GABRG2: variants seen among roughly 807,000 people sequenced by gnomAD.
The protein encoded by GABRG2 is gamma-aminobutyric acid receptor subunit gamma-2.
Under a neutral mutation model 56.4 loss-of-function variants are expected in GABRG2, and 16 were observed. The observed-to-expected ratio is 0.28, with a 90% CI of 0.19 to 0.43. The LOEUF is 0.43. Among genes scored for constraint, GABRG2 ranks in the 20% least tolerant of loss-of-function variants. The probability of loss-of-function intolerance (pLI) is 1.00; values close to 1 mark genes in which losing one functional copy is unlikely to be tolerated. For missense variants in GABRG2, 327 were observed against 582.7 expected (o/e 0.56, Z 4.52); for synonymous variants, 208 against 205.5 (o/e 1.01, Z -0.10).
At chr5:162,106,125 G>C (rs942441045) in intron 6 of GABRG2, among the ~76,000 whole-genome samples, 2 of 152,106 alleles carry the variant, frequency 1.3e-5, no homozygotes, top group African/African-American at 2.4e-5. Flanking sequence ...TCTATTAGGA[G>C]ACACTTGTGG....
In GABRG2 at chr5:162,155,485, A is replaced by G. The variant is rs959187047; in HGVS notation, c.*2117A>G. Reference sequence around the variant, plus strand: ...AACCTTTTCACAAAGGGAATTGCCTAACATGTGGACTTTTACAATAAAAAT... The same window carrying G: ...AACCTTTTCACAAAGGGAATTGCCTGACATGTGGACTTTTACAATAAAAAT... On this transcript the variant is annotated 3_prime_UTR_variant, in exon 10 of 10. Transcript: ENST00000639213. The G allele has an allele frequency of 2.1e-5, 3 of 140,698 alleles. No individual in the cohort carries two copies. The highest frequency in any genetic ancestry group is 7.8e-5 in the African/African-American group (3 of 38,534). 8.7% of individuals were successfully genotyped at this position (140,698 alleles called of 1,614,324 possible). A position where few individuals can be genotyped will look rare whatever the true frequency, so the allele number is the denominator to read the frequency against.
chr5:162,087,084 G>A (rs1168396747), intron 1 of GABRG2, among the ~76,000 whole-genome samples: 1 of 151,942 alleles, frequency 6.6e-6, no homozygotes, highest in Admixed American at 6.6e-5. Flanking sequence ...ATTTAAGAAG[G>A]GTTGAAGCAA....
At chr5:162,089,761 A>G (rs1760416194) in intron 1 of GABRG2, among the ~76,000 whole-genome samples, 1 of 152,164 alleles carries the variant, frequency 6.6e-6, no homozygotes, top group Admixed American at 6.6e-5. Flanking sequence ...CACCTGAACA[A>G]ACAGACAAAT....
chr5:162,111,000 G>A (rs190335907), intron 6 of GABRG2, among the ~76,000 whole-genome samples: 1 of 152,160 alleles, frequency 6.6e-6, no homozygotes, highest in Admixed American at 6.6e-5. Context: ...TCTATAAAAG[G>A]AGTACATTTG....
intron 1 of GABRG2, among the ~76,000 whole-genome samples, chr5:162,073,712 T>C (rs192250934): frequency 9.2e-5 from 14 of 152,084 alleles, no homozygotes; most frequent in African/African-American, 3.4e-4. Flanking sequence ...GCTCTTATGT[T>C]TTAATTTCTA....
rs1398214382 is a variant in GABRG2 at position 162,142,309 on chromosome 5, A to T, written c.915A>T (p.Thr305=). ...ATAAGGATGCTGTTCCAGCCAGAAC[A>T]TCTTTAGGTGAGACACCTTTGTTTA... The part of the protein sequence containing the change: ...WINKDAVPAR[T]SLGITTVLTM... Residue 305 remains threonine (T), a synonymous_variant, in exon 7 of 10, where the codon ACA becomes ACT. Coordinates refer to ENST00000639213, the MANE Select transcript of GABRG2 (RefSeq NM_198904.4). 6.2e-7 allele frequency: 1 copy of T among 1,613,976 alleles called. No homozygotes were observed. Among genetic ancestry groups the T allele is most frequent in the African/African-American group, 1.3e-5 (1 of 74,924 alleles).
chr5:162,089,481 A>G (rs1760394043), intron 1 of GABRG2, among the ~76,000 whole-genome samples: 1 of 152,110 alleles, frequency 6.6e-6, no homozygotes, highest in Admixed American at 6.6e-5. Flanking sequence ...AAGGTCAAAG[A>G]TATCATTTTC....
intron 6 of GABRG2, among the ~76,000 whole-genome samples, chr5:162,128,025 A>T (rs979643282): frequency 6.6e-6 from 1 of 152,046 alleles, no homozygotes; most frequent in Non-Finnish European, 1.5e-5. Flanking sequence ...GAGAGTATCA[A>T]GAGACCATTT....
chr5:162,089,560 T>C (rs1186215646), intron 1 of GABRG2, among the ~76,000 whole-genome samples: 1 of 152,054 alleles, frequency 6.6e-6, no homozygotes, highest in Admixed American at 6.6e-5. Flanking sequence ...ATTGCACTTA[T>C]AAAAAAGTAA....
chr5:162,152,480 G>A lies in GABRG2; in HGVS notation c.1153-613G>A, dbSNP rs540945122. 46 of 475,484 alleles carry A rather than the reference G, an allele frequency of 9.7e-5. 1 individual carries two copies. Among genetic ancestry groups the A allele is most frequent in the South Asian group, 5.8e-4 (36 of 61,850 alleles). 29.5% of individuals were successfully genotyped at this position (475,484 alleles called of 1,614,324 possible). The stretch of plus-strand genomic sequence containing the variant: ...TTCTTTTCTCAATTTCCATTCACAT[G>A]TAGGTAAACATTGTTGACATTCTTA... On this transcript the variant is annotated intron_variant, in intron 9 of 9. Coordinates refer to ENST00000639213, the MANE Select transcript of GABRG2 (RefSeq NM_198904.4).
At chr5:162,152,097 C>T in intron 9 of GABRG2, 1 of 223,280 alleles carries the variant, frequency 4.5e-6, no homozygotes, top group South Asian at 1.2e-4. Flanking sequence ...TCTTTTAAAA[C>T]TAAAATTTAA....
chr5:162,106,975 A>T (rs375818977), intron 6 of GABRG2, among the ~76,000 whole-genome samples: 1 of 152,038 alleles, frequency 6.6e-6, no homozygotes, highest in Admixed American at 6.6e-5. Flanking sequence ...AGTACCTCTT[A>T]GTTATTTTTC....
intron 2 of GABRG2, 145 bp downstream of exon 2, chr5:162,094,124 A>G: frequency 1.2e-6 from 1 of 835,824 alleles, no homozygotes; most frequent in Non-Finnish European, 1.9e-6. Context: ...TTTAAATAGC[A>G]TTCAGGCCTA....
At chr5:162,144,610 T>G (rs1764821345) in intron 7 of GABRG2, among the ~76,000 whole-genome samples, 1 of 152,198 alleles carries the variant, frequency 6.6e-6, no homozygotes, top group African/African-American at 2.4e-5. Context: ...ATGATCATTA[T>G]TATCACAATT....
intron 1 of GABRG2, among the ~76,000 whole-genome samples, chr5:162,091,892 G>T (rs1760624541): frequency 6.6e-6 from 1 of 152,064 alleles, no homozygotes; most frequent in African/African-American, 2.4e-5. Flanking sequence ...TTAATAGGGT[G>T]CATGTGTCTT....
At chr5:162,116,182 AT>A (rs1173050383) in intron 6 of GABRG2, among the ~76,000 whole-genome samples, 1 of 150,176 alleles carries the variant, frequency 6.7e-6, no homozygotes, top group African/African-American at 2.5e-5. Flanking sequence ...CTATTTCTTT[AT>A]CTAGTGTGTA....
upstream of GABRG2, chr5:162,067,657 A>G: frequency 3.5e-6 from 2 of 575,082 alleles, no homozygotes; most frequent in Non-Finnish European, 3.1e-6. Context: ...TGTGAGGGGC[A>G]TGAGTATACA....
chr5:162,085,035 A>C (rs1759956668), intron 1 of GABRG2, among the ~76,000 whole-genome samples: 1 of 151,944 alleles, frequency 6.6e-6, no homozygotes, highest in South Asian at 2.1e-4. Context: ...CTTCCATGTT[A>C]GTGTGTAGTG....
At chr5:162,111,743 A>G (rs994856603) in intron 6 of GABRG2, among the ~76,000 whole-genome samples, 1 of 152,178 alleles carries the variant, frequency 6.6e-6, no homozygotes, top group Admixed American at 6.5e-5. Context: ...AGGATATTCA[A>G]TGGGTAGAGT....
Sources: gnomAD v4.1 joint callset for allele counts (sites outside exome capture counted in the v4.1 genomes callset) on GRCh38, gnomAD v4.1.1 for gene constraint, MANE v1.5 for transcripts, NCBI Gene and HGNC (gene_info 2026-07-23, HGNC 2026-07-21) for gene names.